The following TNR variants were observed in gnomAD, a reference collection of about 807,000 sequenced individuals.
The protein encoded by TNR is tenascin-R.
Under a neutral mutation model 150.4 loss-of-function variants are expected in TNR, and 45 were observed. The observed-to-expected ratio is 0.30, with a 90% confidence interval of 0.24 to 0.38. The LOEUF is 0.38. Among genes scored for constraint, TNR ranks in the 10% least tolerant of loss-of-function variants. TNR has a pLI of 1.00. For missense variants in TNR, 1,544 were observed against 1,759.1 expected, an observed-to-expected ratio of 0.88 and a Z score of 2.19; for synonymous variants, 687 against 678.4, an observed-to-expected ratio of 1.01 and a Z score of -0.20.
At chr1:175,523,986 C>T (rs1659750381) in intron 2 of TNR, among the ~76,000 whole-genome samples, 1 of 152,182 alleles carries the variant, frequency 6.6e-6, no homozygotes, top group East Asian at 1.9e-4. Context: ...TCCTACTGGA[C>T]TGGCCTCCCT....
chr1:175,377,419 G>A (rs1571357824), intron 9 of TNR, among the ~76,000 whole-genome samples: 2 of 151,548 alleles, frequency 1.3e-5, no homozygotes, highest in South Asian at 2.1e-4. Flanking sequence ...GGCAGGGATG[G>A]GCTGCGCTTA....
chr1:175,605,538 T>C (rs1419461132), intron 1 of TNR, among the ~76,000 whole-genome samples: 1 of 152,166 alleles, frequency 6.6e-6, no homozygotes, highest in Non-Finnish European at 1.5e-5. Context: ...TTGTGGCCAG[T>C]GAAATAGATA....
intron 1 of TNR, among the ~76,000 whole-genome samples, chr1:175,582,172 C>T (rs1662373329): frequency 6.6e-6 from 1 of 152,192 alleles, no homozygotes; most frequent in African/African-American, 2.4e-5. Flanking sequence ...AACTCTTTCA[C>T]CTTTGAAACT....
chr1:175,502,275 G>T (rs1298441540), intron 2 of TNR, among the ~76,000 whole-genome samples: 1 of 152,192 alleles, frequency 6.6e-6, no homozygotes, highest in Non-Finnish European at 1.5e-5. Flanking sequence ...ACTCTGATGT[G>T]CAGAATGCTG....
At chr1:175,692,310 T>A (rs2101919296) in intron 1 of TNR, among the ~76,000 whole-genome samples, 1 of 152,298 alleles carries the variant, frequency 6.6e-6, no homozygotes, top group East Asian at 1.9e-4. Context: ...GACATGGTCT[T>A]GTGCAGCTAG....
At chr1:175,482,020 TCACACTA>T (rs1438723604) in intron 2 of TNR, among the ~76,000 whole-genome samples, 2 of 152,168 alleles carry the variant, frequency 1.3e-5, no homozygotes, top group East Asian at 3.9e-4. Flanking sequence ...CCTCGTGTTG[TCACACTA>T]CACACCAACC....
At chr1:175,565,441 G>T (rs979987222) in intron 1 of TNR, among the ~76,000 whole-genome samples, 1 of 152,294 alleles carries the variant, frequency 6.6e-6, no homozygotes, top group African/African-American at 2.4e-5. Context: ...ATCAGGAGCC[G>T]AGGGTAAAAG....
intron 2 of TNR, among the ~76,000 whole-genome samples, chr1:175,467,852 G>A (rs925297030): frequency 5.9e-5 from 9 of 152,154 alleles, no homozygotes; most frequent in Admixed American, 6.5e-5. Context: ...GAAATTACTC[G>A]TTAATATATA....
chr1:175,621,049 C>G (rs150087847), intron 1 of TNR, among the ~76,000 whole-genome samples: 1 of 152,192 alleles, frequency 6.6e-6, no homozygotes, highest in Non-Finnish European at 1.5e-5. Context: ...CTTCCCTTTG[C>G]TATCGCTCTT....
intron 2 of TNR, among the ~76,000 whole-genome samples, chr1:175,465,264 A>T: frequency 6.6e-6 from 1 of 152,180 alleles, no homozygotes; most frequent in East Asian, 1.9e-4. Flanking sequence ...AAATGGGGAT[A>T]ATGATGCTAC....
Position 175,319,217 on chromosome 1 carries a change from T to A in TNR, c.*4140A>T, listed in dbSNP as rs6672214. 11,434 of 152,232 alleles carry A rather than the reference T, an allele frequency of 0.075. 641 individuals are homozygous for A. The highest frequency in any genetic ancestry group is 0.11 in the Non-Finnish European group (7,506 of 68,010). 9.4% of individuals were successfully genotyped at this position (152,232 alleles called of 1,614,324 possible). ...AAGAAAAAGAAAAAATGTTTTCATG[T>A]CCCTAGGGTATTTGCAAATCCAGGT... On this transcript the variant is annotated 3_prime_UTR_variant, in exon 23 of 23. Transcript: ENST00000367674.
intron 1 of TNR, among the ~76,000 whole-genome samples, chr1:175,729,266 T>C (rs1054423990): frequency 1.3e-5 from 2 of 152,170 alleles, no homozygotes; most frequent in African/African-American, 4.8e-5. Flanking sequence ...AGGGAAGCAT[T>C]TTCCTGGAGT....
intron 1 of TNR, among the ~76,000 whole-genome samples, chr1:175,739,370 G>A (rs374331344): frequency 6.6e-6 from 1 of 152,124 alleles, no homozygotes; most frequent in East Asian, 1.9e-4. Context: ...AACGGTGCAC[G>A]AGATTCCCCA....
intron 1 of TNR, among the ~76,000 whole-genome samples, chr1:175,656,077 C>A (rs565018417): frequency 1.3e-5 from 2 of 151,920 alleles, no homozygotes; most frequent in East Asian, 3.9e-4. Flanking sequence ...ACAAGGCTAT[C>A]TCCCCAGACA....
At chr1:175,615,563 C>A (rs895010334) in intron 1 of TNR, among the ~76,000 whole-genome samples, 1 of 152,180 alleles carries the variant, frequency 6.6e-6, no homozygotes, top group Admixed American at 6.5e-5. Flanking sequence ...GGTCACAGAG[C>A]CTATGTGTCT....
Position 175,317,499 on chromosome 1 carries a change from A to G in TNR, c.*5858T>C, listed in dbSNP as rs1648877903. On this transcript the variant is annotated 3_prime_UTR_variant, in exon 23 of 23. Transcript: ENST00000367674. ...GGGTCTCCCTAGGGGCTGCTAAACC[A>G]GTGATGGGAAGAAAATAACAGTTCA... 6.6e-6 allele frequency: 1 copy of G among 152,224 alleles called. No homozygotes were observed. The highest frequency in any genetic ancestry group is 2.4e-5 in the African/African-American group (1 of 41,464). The allele number at this position is 152,224 out of a possible 1,614,324, so 9.4% of individuals were successfully genotyped here. A position where few individuals can be genotyped will look rare whatever the true frequency, so the allele number is the denominator to read the frequency against.
chr1:175,561,384 A>G (rs965680710), intron 1 of TNR, among the ~76,000 whole-genome samples: 2 of 152,224 alleles, frequency 1.3e-5, no homozygotes, highest in East Asian at 1.9e-4. Flanking sequence ...CAGCATAATC[A>G]TCATACATAG....
At chr1:175,575,897 TC>T (rs1558015565) in intron 1 of TNR, among the ~76,000 whole-genome samples, 1 of 152,100 alleles carries the variant, frequency 6.6e-6, no homozygotes. Flanking sequence ...GGAAAAGTCA[TC>T]CTCCTGGGAG....
intron 1 of TNR, among the ~76,000 whole-genome samples, chr1:175,723,746 C>T (rs1388219390): frequency 6.6e-6 from 1 of 152,140 alleles, no homozygotes; most frequent in Non-Finnish European, 1.5e-5. Context: ...AGCGTGGTGG[C>T]TCACGCCTGT....
Sources: gnomAD v4.1 joint callset for allele counts (sites outside exome capture counted in the v4.1 genomes callset) on GRCh38, gnomAD v4.1.1 for gene constraint, MANE v1.5 for transcripts, NCBI Gene and HGNC (gene_info 2026-07-23, HGNC 2026-07-21) for gene names.